The following CAMK1D variants were observed in gnomAD, a reference collection of about 807,000 sequenced individuals.
CAMK1D encodes the protein calcium/calmodulin dependent protein kinase ID.
Under a neutral mutation model 47.7 loss-of-function variants are expected in CAMK1D, and 9 were observed. That is an observed-to-expected ratio of 0.19 (90% confidence interval 0.11 to 0.33). The LOEUF is 0.33. CAMK1D is among the 10% of genes least tolerant of loss of function. The pLI is 1.00. For synonymous variants in CAMK1D, 184 were observed against 184.9 expected (o/e 0.99, Z 0.04); for missense variants, 291 against 488.7 (o/e 0.60, Z 3.81).
intron 2 of CAMK1D, among the ~76,000 whole-genome samples, chr10:12,666,029 T>C (rs1840418091): frequency 6.6e-6 from 1 of 152,236 alleles, no homozygotes; most frequent in Admixed American, 6.5e-5. Context: ...CCTCAACTTG[T>C]GTACTCTGTG....
At chr10:12,661,091 A>G (rs995307536) in intron 2 of CAMK1D, among the ~76,000 whole-genome samples, 1 of 152,126 alleles carries the variant, frequency 6.6e-6, no homozygotes, top group African/African-American at 2.4e-5. Flanking sequence ...GCTTTTCAAC[A>G]TGTCTTTTTC....
At chr10:12,686,546 A>G (rs1254473854) in intron 3 of CAMK1D, among the ~76,000 whole-genome samples, 2 of 151,636 alleles carry the variant, frequency 1.3e-5, no homozygotes, top group Non-Finnish European at 2.9e-5. Flanking sequence ...CTGGTCTGGA[A>G]CTCCTGACCT....
chr10:12,745,837 C>T (rs1248576101), intron 3 of CAMK1D, among the ~76,000 whole-genome samples: 2 of 152,160 alleles, frequency 1.3e-5, no homozygotes, highest in Non-Finnish European at 2.9e-5. Flanking sequence ...CCGCTGACCT[C>T]AGCTGATCCA....
At chr10:12,499,160 T>C (rs1834627687) in intron 1 of CAMK1D, among the ~76,000 whole-genome samples, 1 of 150,414 alleles carries the variant, frequency 6.6e-6, no homozygotes, top group Admixed American at 6.7e-5. Context: ...GCAAGAGGAA[T>C]GGAAATGAGA....
chr10:12,762,576 T>C (rs912047246), intron 4 of CAMK1D, among the ~76,000 whole-genome samples: 2 of 152,158 alleles, frequency 1.3e-5, no homozygotes, highest in Non-Finnish European at 2.9e-5. Context: ...TCTGATTCTG[T>C]AGGTCTCCGG....
intron 6 of CAMK1D, among the ~76,000 whole-genome samples, chr10:12,811,333 C>G (rs1832599602): frequency 6.6e-6 from 1 of 152,080 alleles, no homozygotes; most frequent in Non-Finnish European, 1.5e-5. Flanking sequence ...TTAAACAGCC[C>G]AAGGTTGTTA....
At chr10:12,778,631 C>T (rs1337469990) in intron 5 of CAMK1D, among the ~76,000 whole-genome samples, 1 of 152,164 alleles carries the variant, frequency 6.6e-6, no homozygotes, top group Admixed American at 6.5e-5. Flanking sequence ...AATCCCAGCA[C>T]CTTGGAAGGC....
chr10:12,415,455 A>ATT (rs5783266), intron 1 of CAMK1D, among the ~76,000 whole-genome samples: 19,717 of 93,008 alleles, frequency 0.21, 2,744 homozygotes, highest in South Asian at 0.29. Flanking sequence ...CGCCTGGCTA[A>ATT]TTTTTTTTTT....
At chr10:12,650,080 G>A (rs1028882269) in intron 2 of CAMK1D, among the ~76,000 whole-genome samples, 1 of 152,234 alleles carries the variant, frequency 6.6e-6, no homozygotes, top group Non-Finnish European at 1.5e-5. Flanking sequence ...AACCCGCACA[G>A]GTGACCTTGG....
rs115740864 is a variant in CAMK1D at position 12,688,026 on chromosome 10, C to A, written c.299+21216C>A. 4.8e-3 allele frequency among the ~76,000 whole-genome samples: 728 copies of A among 152,272 alleles called. 3 individuals are homozygous for A. Among genetic ancestry groups the A allele is most frequent in the African/African-American group, 0.016 (678 of 41,536 alleles). ...TGTTAAAGTTAGTTGAAAACAATCG[C>A]TGCCTACTAAAAATGGGCATGACAC... On this transcript the variant is annotated intron_variant, in intron 3 of 10. Transcript: ENST00000619168.
intron 2 of CAMK1D, among the ~76,000 whole-genome samples, chr10:12,640,874 A>G (rs1839646390): frequency 6.6e-6 from 1 of 152,334 alleles, no homozygotes; most frequent in Admixed American, 6.5e-5. Flanking sequence ...TCAACTGCAT[A>G]TTCTAAGTAC....
intron 1 of CAMK1D, among the ~76,000 whole-genome samples, chr10:12,423,263 C>T (rs953047594): frequency 6.6e-6 from 1 of 152,034 alleles, no homozygotes; most frequent in Non-Finnish European, 1.5e-5. Flanking sequence ...CCTGTAACTC[C>T]AGCACTTTGA....
At chr10:12,551,761 A>C (rs1034646701) in intron 1 of CAMK1D, among the ~76,000 whole-genome samples, 1 of 152,186 alleles carries the variant, frequency 6.6e-6, no homozygotes, top group African/African-American at 2.4e-5. Flanking sequence ...AAAGTGCACA[A>C]GAAATGTAAT....
intron 1 of CAMK1D, among the ~76,000 whole-genome samples, chr10:12,506,668 G>A (rs952428667): frequency 3.3e-5 from 5 of 152,016 alleles, no homozygotes; most frequent in Non-Finnish European, 5.9e-5. Context: ...ACAGGCGTCC[G>A]CCACCACGCC....
At chr10:12,734,357 TATATATATATATATATATATAG>T (rs1564524029) in intron 3 of CAMK1D, among the ~76,000 whole-genome samples, 46 of 3,296 alleles carry the variant, frequency 0.014, 1 homozygote, top group African/African-American at 0.026. Flanking sequence ...TATATATATA[TATATATATATATATATATATAG>T]ATATAGATAT....
At chr10:12,503,379 T>G (rs949132498) in intron 1 of CAMK1D, among the ~76,000 whole-genome samples, 3 of 150,798 alleles carry the variant, frequency 2.0e-5, no homozygotes, top group African/African-American at 7.4e-5. Flanking sequence ...GGTACCAGGT[T>G]TACAGTTGAG....
At chr10:12,794,072 G>A (rs1022018091) in intron 6 of CAMK1D, among the ~76,000 whole-genome samples, 16 of 152,306 alleles carry the variant, frequency 1.1e-4, no homozygotes, top group South Asian at 6.2e-4. Context: ...TGAAGAAAGC[G>A]TTGGAAGGAA....
At chr10:12,657,735 G>C (rs1840160131) in intron 2 of CAMK1D, among the ~76,000 whole-genome samples, 1 of 152,176 alleles carries the variant, frequency 6.6e-6, no homozygotes, top group Admixed American at 6.5e-5. Flanking sequence ...TTTACTCACT[G>C]GTTTGATATG....
chr10:12,352,581 C>T (rs1837384371), intron 1 of CAMK1D, among the ~76,000 whole-genome samples: 1 of 151,400 alleles, frequency 6.6e-6, no homozygotes, highest in Admixed American at 6.6e-5. Flanking sequence ...TGCCCTCCAG[C>T]CTGGGCCACA....
Sources: gnomAD v4.1 joint callset for allele counts (sites outside exome capture counted in the v4.1 genomes callset) on GRCh38, gnomAD v4.1.1 for gene constraint, MANE v1.5 for transcripts, NCBI Gene and HGNC (gene_info 2026-07-23, HGNC 2026-07-21) for gene names.